NR1H4: variants seen among roughly 807,000 people sequenced by gnomAD.
NR1H4 encodes nuclear receptor subfamily 1 group H member 4, also known as bile acid receptor.
NR1H4 carries 23 observed loss-of-function variants against 58.5 expected under a neutral mutation model. The observed-to-expected ratio is 0.39, with a 90% CI of 0.28 to 0.56. The LOEUF is 0.56. NR1H4 is among the 20% of genes least tolerant of loss of function. The pLI is 0.58. For synonymous variants in NR1H4, 214 were observed against 198.0 expected (o/e 1.08, Z -0.68); for missense variants, 487 against 576.9 (o/e 0.84, Z 1.60).
At chr12:100,476,580 A>G (rs1953276530) in intron 1 of NR1H4, among the ~76,000 whole-genome samples, 1 of 152,210 alleles carries the variant, frequency 6.6e-6, no homozygotes, top group South Asian at 2.1e-4. Flanking sequence ...GATGTGATAG[A>G]TTTTCAAAGG....
intron 9 of NR1H4, among the ~76,000 whole-genome samples, chr12:100,545,180 G>A (rs1955031688): frequency 6.6e-6 from 1 of 152,102 alleles, no homozygotes; most frequent in South Asian, 2.1e-4. Flanking sequence ...CCTGAGCCAA[G>A]TCAGATGCTG....
intron 6 of NR1H4, among the ~76,000 whole-genome samples, chr12:100,535,255 C>A (rs1566464059): frequency 6.6e-6 from 1 of 152,236 alleles, no homozygotes; most frequent in Non-Finnish European, 1.5e-5. Flanking sequence ...TCCAGTCCTA[C>A]TACCTAGTGT....
chr12:100,556,844 C>T (rs927805822), intron 9 of NR1H4, among the ~76,000 whole-genome samples: 3 of 151,986 alleles, frequency 2.0e-5, no homozygotes, highest in Non-Finnish European at 4.4e-5. Flanking sequence ...GAATCAAATT[C>T]GTTTATATAT....
chr12:100,535,446 G>A (rs923778329), intron 6 of NR1H4, among the ~76,000 whole-genome samples: 1 of 152,324 alleles, frequency 6.6e-6, no homozygotes, highest in South Asian at 2.1e-4. Flanking sequence ...TGGATGAATA[G>A]AGAAAAGTCC....
chr12:100,504,125 C>T (rs1050704981), intron 3 of NR1H4, among the ~76,000 whole-genome samples: 1 of 152,128 alleles, frequency 6.6e-6, no homozygotes, highest in African/African-American at 2.4e-5. Flanking sequence ...GCAGGTTTCT[C>T]CCAATAGTCC....
Position 100,560,398 on chromosome 12 carries a change from TA to T in NR1H4, c.1079-1485del, listed in dbSNP as rs796369892. Among the ~76,000 whole-genome samples, 1,021 of 111,636 alleles carry T rather than the reference TA, an allele frequency of 9.1e-3. 8 individuals carry two copies. The highest frequency in any genetic ancestry group is 0.027 in the African/African-American group (919 of 34,612). The allele number at this position is 111,636 out of a possible 152,430, so 73.2% of individuals were successfully genotyped here. Reference sequence around the variant, plus strand: ...GGGTCCACGCTGCTTTTATGAGTTGTAACACTCACTGCGAAGATCTGCAGCT... The same window carrying T: ...GGGTCCACGCTGCTTTTATGAGTTGTACACTCACTGCGAAGATCTGCAGCT... On this transcript the variant is annotated intron_variant, in intron 9 of 10. Transcript: ENST00000392986.
At chr12:100,476,677 C>G (rs935043111) in intron 1 of NR1H4, among the ~76,000 whole-genome samples, 6 of 152,056 alleles carry the variant, frequency 3.9e-5, no homozygotes, top group Non-Finnish European at 5.9e-5. Flanking sequence ...TGCTCTCAGT[C>G]TCATTTTTAT....
intron 1 of NR1H4, among the ~76,000 whole-genome samples, chr12:100,476,148 T>G (rs1307435429): frequency 1.3e-5 from 2 of 151,914 alleles, no homozygotes; most frequent in Non-Finnish European, 2.9e-5. Context: ...TGAGGGCGGG[T>G]CTTTCTGACT....
At chr12:100,520,194 G>A (rs187968630) in intron 4 of NR1H4, among the ~76,000 whole-genome samples, 117 of 152,202 alleles carry the variant, frequency 7.7e-4, no homozygotes, top group Non-Finnish European at 1.4e-3. Context: ...GATGCAAAGC[G>A]AATTATACTC....
chr12:100,561,705 G>T (rs1955478937), intron 9 of NR1H4, among the ~76,000 whole-genome samples, 180 bp from the exon 10 acceptor site: 1 of 152,110 alleles, frequency 6.6e-6, no homozygotes, highest in Non-Finnish European at 1.5e-5. Context: ...TGAGAATTTT[G>T]TCAACTGATT....
At chr12:100,552,324 T>C (rs1008045038) in intron 9 of NR1H4, among the ~76,000 whole-genome samples, 6 of 152,244 alleles carry the variant, frequency 3.9e-5, no homozygotes, top group Admixed American at 2.0e-4. Context: ...TATTTTATAC[T>C]TAAAGTAGTT....
chr12:100,492,958 A>C (rs1302913812), intron 2 of NR1H4, among the ~76,000 whole-genome samples: 1 of 152,152 alleles, frequency 6.6e-6, no homozygotes, highest in Non-Finnish European at 1.5e-5. Flanking sequence ...TTTTCTAATA[A>C]AGACATAGTC....
chr12:100,545,365 C>T (rs1593120900), intron 9 of NR1H4, among the ~76,000 whole-genome samples: 1 of 152,020 alleles, frequency 6.6e-6, no homozygotes, highest in African/African-American at 2.4e-5. Context: ...TAAGGCTGAG[C>T]ATGCTGACTC....
chr12:100,530,968 T>A (rs1257209939), intron 4 of NR1H4, among the ~76,000 whole-genome samples: 2 of 152,072 alleles, frequency 1.3e-5, no homozygotes, highest in East Asian at 3.9e-4. Context: ...CATGGATAAA[T>A]GGGAGAGATT....
rs1470190468 is a variant in NR1H4 at position 100,564,325 on chromosome 12, T to A, written c.*836T>A. The A allele has an allele frequency of 6.6e-6, 1 of 152,216 alleles. No individual in the cohort carries two copies. The highest frequency in any genetic ancestry group is 1.5e-5 in the Non-Finnish European group (1 of 68,048). The allele number at this position is 152,216 out of a possible 1,614,324, so 9.4% of individuals were successfully genotyped here. ...CTGTATACTTCCCCCAAAGCAGGAA[T>A]TAGTTCATTTCCTTCCTTCATTGTT... On this transcript the variant is annotated 3_prime_UTR_variant, in exon 11 of 11. Coordinates refer to ENST00000392986, the MANE Select transcript of NR1H4 (RefSeq NM_001206979.2).
chr12:100,503,249 A>G, intron 3 of NR1H4: 1 of 1,115,312 alleles, frequency 9.0e-7, no homozygotes, highest in Non-Finnish European at 1.2e-6. Context: ...CTTACTAGGC[A>G]ATTTGGCATT....
At position 100,533,324 on chromosome 12, in the gene NR1H4, T is replaced by C. The variant is rs116114163; in HGVS notation, c.598+714T>C. 7.8e-3 allele frequency among the ~76,000 whole-genome samples: 1,185 copies of C among 152,214 alleles called. 23 individuals are homozygous for C. The highest frequency in any genetic ancestry group is 0.027 in the African/African-American group (1,120 of 41,532). ...GTCCTGTTTCTCCTCAAAACACAAATAGACAAATGTCACCAAGGGGATGAC... is the reference window on the plus strand; with the variant it reads ...GTCCTGTTTCTCCTCAAAACACAAACAGACAAATGTCACCAAGGGGATGAC... On this transcript the variant is annotated intron_variant, in intron 5 of 10. Coordinates refer to ENST00000392986, the MANE Select transcript of NR1H4 (RefSeq NM_001206979.2).
At chr12:100,501,647 A>G (rs1953837021) in intron 3 of NR1H4, among the ~76,000 whole-genome samples, 1 of 152,200 alleles carries the variant, frequency 6.6e-6, no homozygotes, top group Non-Finnish European at 1.5e-5. Flanking sequence ...TGCATATGGA[A>G]CCGCTTTGGA....
At chr12:100,538,684 A>G (rs755654985) in intron 8 of NR1H4, among the ~76,000 whole-genome samples, 1 of 152,232 alleles carries the variant, frequency 6.6e-6, no homozygotes, top group Non-Finnish European at 1.5e-5. Flanking sequence ...ATAATATTAA[A>G]TTATAGAAGA....
Sources: allele counts gnomAD v4.1 joint callset (sites outside exome capture counted in the v4.1 genomes callset), GRCh38; gene constraint gnomAD v4.1.1; transcripts MANE v1.5; gene names NCBI Gene and HGNC (gene_info 2026-07-23, HGNC 2026-07-21).